Variants in ZNF469 observed in about 807,000 individuals in gnomAD.
ZNF469 encodes zinc finger protein 469.
In ZNF469, 1 loss-of-function variant was observed where a neutral mutation model predicts 1.0. The ratio of observed to expected loss-of-function variants is 1.00; its 90% confidence interval spans 0.35 to 4.73. The LOEUF is 4.73. Among genes scored for constraint, ZNF469 ranks in the 30% most tolerant of loss-of-function variants. The pLI is 0.16. For synonymous variants in ZNF469, 2,703 were observed against 2,363.4 expected, an observed-to-expected ratio of 1.14 and a Z score of -4.17; for missense variants, 6,100 against 5,356.3, an observed-to-expected ratio of 1.14 and a Z score of -4.33.
At chr16:88,291,653 G>A in the ZNF469 span, among the ~76,000 whole-genome samples, 105 of 151,950 alleles carry the variant, frequency 6.9e-4, 1 homozygote, top group Non-Finnish European at 1.4e-3. Context: ...CCATGCAGAC[G>A]CCCCCCTTCA....
chr16:88,200,686 C>T, the ZNF469 span, among the ~76,000 whole-genome samples: 1 of 152,356 alleles, frequency 6.6e-6, no homozygotes, highest in African/African-American at 2.4e-5. Flanking sequence ...GTTCCCTCTG[C>T]CTGGTCTCAC....
At chr16:88,203,321 C>A in the ZNF469 span, among the ~76,000 whole-genome samples, 3 of 152,160 alleles carry the variant, frequency 2.0e-5, no homozygotes, top group Non-Finnish European at 4.4e-5. Context: ...CTCATCCGCC[C>A]GCTCTGTGCC....
At position 88,435,756 on chromosome 16, in the gene ZNF469, G is replaced by C; in HGVS notation, c.8286G>C (p.Lys2762Asn). The C allele has an allele frequency of 1.3e-6, 2 of 1,550,810 alleles. No homozygotes were observed. Among genetic ancestry groups the C allele is most frequent in the East Asian group, 2.4e-5 (1 of 40,918 alleles). Reference protein sequence around the residue: ...ARGFWGPRETKALGVCKESGS... With the variant: ...ARGFWGPRETNALGVCKESGS... ...GGTTCTGGGGACCAAGAGAGACCAA[G>C]GCGTTGGGTGTGTGCAAAGAGTCTG... The change falls in exon 3 of 3, where the codon AAG becomes AAC. Residue 2762 changes from lysine to asparagine, a missense_variant. Physicochemically the swap from Lys to Asn is moderately conservative, Grantham distance 94. Coordinates refer to ENST00000565624, the MANE Select transcript of ZNF469 (RefSeq NM_001367624.2).
chr16:88,189,539 G>A, the ZNF469 span, among the ~76,000 whole-genome samples: 1 of 152,332 alleles, frequency 6.6e-6, no homozygotes, highest in African/African-American at 2.4e-5. The surrounding 1 kb of genome is among the most constrained non-coding windows in gnomAD (Gnocchi z 4.3). Context: ...TGCACTTATT[G>A]TGCTCCTACT....
the ZNF469 span, among the ~76,000 whole-genome samples, chr16:88,304,981 C>T: frequency 6.6e-6 from 1 of 152,132 alleles, no homozygotes; most frequent in Non-Finnish European, 1.5e-5. Flanking sequence ...CTGGAATCCC[C>T]CTCCCCAAGC....
At chr16:88,161,938 T>C in the ZNF469 span, among the ~76,000 whole-genome samples, 1 of 152,218 alleles carries the variant, frequency 6.6e-6, no homozygotes, top group African/African-American at 2.4e-5. Flanking sequence ...CCAAATGGAA[T>C]GCCGTTGAGA....
the ZNF469 span, among the ~76,000 whole-genome samples, chr16:88,154,703 A>C: frequency 6.6e-6 from 1 of 152,144 alleles, no homozygotes; most frequent in South Asian, 2.1e-4. Flanking sequence ...CATGGGGCGG[A>C]TTCTGTTCAT....
the ZNF469 span, among the ~76,000 whole-genome samples, chr16:88,200,977 G>A: frequency 6.6e-6 from 1 of 152,226 alleles, no homozygotes; most frequent in Non-Finnish European, 1.5e-5. Context: ...CTGTGTGTGG[G>A]CGAGAGGGCC....
At chr16:88,252,580 A>G in the ZNF469 span, among the ~76,000 whole-genome samples, 1 of 152,150 alleles carries the variant, frequency 6.6e-6, no homozygotes. Context: ...ATCTGCGGGA[A>G]GGTTCACATA....
chr16:88,161,931 A>G, the ZNF469 span, among the ~76,000 whole-genome samples: 7 of 152,330 alleles, frequency 4.6e-5, no homozygotes, highest in African/African-American at 1.7e-4. Flanking sequence ...TCTGGACCCA[A>G]ATGGAATGCC....
At chr16:88,222,639 C>T in the ZNF469 span, among the ~76,000 whole-genome samples, 58 of 152,086 alleles carry the variant, frequency 3.8e-4, no homozygotes, top group African/African-American at 1.3e-3. Context: ...TGCCTGTAAT[C>T]CCAGCTACTA....
At chr16:88,286,503 A>G in the ZNF469 span, among the ~76,000 whole-genome samples, 4 of 152,226 alleles carry the variant, frequency 2.6e-5, no homozygotes, top group African/African-American at 9.6e-5. Flanking sequence ...CCCACATGCC[A>G]TCCTCTGGCT....
At chr16:88,187,678 A>C in the ZNF469 span, among the ~76,000 whole-genome samples, 1 of 150,882 alleles carries the variant, frequency 6.6e-6, no homozygotes, top group African/African-American at 2.4e-5. Context: ...TTATAGAAAC[A>C]GTTTGAAGTA....
the ZNF469 span, among the ~76,000 whole-genome samples, chr16:88,132,198 C>T: frequency 4.6e-5 from 7 of 152,226 alleles, no homozygotes; most frequent in Non-Finnish European, 8.8e-5. Flanking sequence ...CAGGCCCCCA[C>T]CCCTACCCAG....
chr16:88,263,700 C>T, the ZNF469 span, among the ~76,000 whole-genome samples: 2 of 152,114 alleles, frequency 1.3e-5, no homozygotes, highest in African/African-American at 4.8e-5. Context: ...ACCCGTAGCC[C>T]CTTGCAGCAG....
the ZNF469 span, among the ~76,000 whole-genome samples, chr16:88,158,988 T>A: frequency 2.0e-5 from 3 of 152,114 alleles, no homozygotes. Context: ...TGGGGCTTCC[T>A]ATGGGGTGGG....
At position 88,428,143 on chromosome 16, in the gene ZNF469, C is replaced by A; in HGVS notation, c.673C>A (p.Pro225Thr). The A allele has an allele frequency of 6.5e-7, 1 of 1,550,182 alleles. No homozygotes were observed. The change falls in exon 3 of 3, where the codon CCC becomes ACC. Residue 225 changes from proline (P) to threonine (T), a missense_variant. Pro to Thr is a conservative substitution (Grantham distance 38). Coordinates refer to ENST00000565624, the MANE Select transcript of ZNF469 (RefSeq NM_001367624.2). ...GTSPLQPGSY[P>T]EYQASGADSW... ...CAGCCCCCTCCAGCCCGGTTCCTATCCCGAATACCAGGCCAGTGGGGCCGA... is the reference window on the plus strand; with the variant it reads ...CAGCCCCCTCCAGCCCGGTTCCTATACCGAATACCAGGCCAGTGGGGCCGA...
chr16:88,129,446 A>G, the ZNF469 span, among the ~76,000 whole-genome samples: 3 of 151,556 alleles, frequency 2.0e-5, no homozygotes, highest in Admixed American at 6.6e-5. Flanking sequence ...TTTTTTTGCT[A>G]CAAGTTCTAT....
chr16:88,410,139 A>G lies in ZNF469; in HGVS notation c.-191-14668A>G, dbSNP rs543878215. On this transcript the variant is annotated intron_variant, in intron 1 of 2. Coordinates refer to ENST00000565624, the MANE Select transcript of ZNF469 (RefSeq NM_001367624.2). ...TAACTTAGCAGATCAGGGAAGCCCA[A>G]CTGTTCACGGAGAAGTTCACGGTGC... Among the ~76,000 whole-genome samples, 7 of 152,334 alleles carry G rather than the reference A, an allele frequency of 4.6e-5. No individual in the cohort carries two copies. In the East Asian group the frequency reaches 5.8e-4, roughly 13 times the overall value.
Sources: gnomAD v4.1 joint callset for allele counts (sites outside exome capture counted in the v4.1 genomes callset) on GRCh38, gnomAD v4.1.1 for gene constraint, Gnocchi (gnomAD v3.1) non-coding constraint, MANE v1.5 for transcripts, NCBI Gene and HGNC (gene_info 2026-07-23, HGNC 2026-07-21) for gene names.